The following ZNF277 variants were observed in gnomAD, a reference collection of about 807,000 sequenced individuals.
ZNF277 encodes the protein nuclear receptor-interacting factor 4.
Under a neutral mutation model 60.7 loss-of-function variants are expected in ZNF277, and 55 were observed. That is an observed-to-expected ratio of 0.91 (90% confidence interval 0.73 to 1.13). ZNF277 has a LOEUF of 1.13. Ranked by LOEUF, ZNF277 falls within the 50% of genes most tolerant of loss-of-function variation. ZNF277 has a pLI of 0.00. For synonymous variants in ZNF277, 178 were observed against 179.3 expected (o/e 0.99, Z 0.06); for missense variants, 510 against 523.0 (o/e 0.98, Z 0.24).
intron 1 of ZNF277, among the ~76,000 whole-genome samples, chr7:112,253,363 G>A (rs919212321): frequency 9.2e-5 from 14 of 152,090 alleles, no homozygotes; most frequent in Admixed American, 7.9e-4. Context: ...TATAAGTATC[G>A]TTACAAACCA....
chr7:112,289,904 T>C (rs1343027402), intron 2 of ZNF277, among the ~76,000 whole-genome samples: 1 of 152,052 alleles, frequency 6.6e-6, no homozygotes, highest in Non-Finnish European at 1.5e-5. Context: ...TTTTTTTTTT[T>C]CTTATACTTT....
intron 2 of ZNF277, among the ~76,000 whole-genome samples, chr7:112,293,202 T>C (rs1484801423): frequency 2.0e-5 from 3 of 152,170 alleles, no homozygotes; most frequent in Non-Finnish European, 4.4e-5. Flanking sequence ...CTTTGACCAC[T>C]GTCTTAATTT....
At chr7:112,269,700 T>C (rs1791626564) in intron 1 of ZNF277, among the ~76,000 whole-genome samples, 1 of 152,144 alleles carries the variant, frequency 6.6e-6, no homozygotes, top group South Asian at 2.1e-4. Context: ...CTAGGTCCTT[T>C]CTAGCTGTAA....
intron 1 of ZNF277, among the ~76,000 whole-genome samples, chr7:112,227,734 A>G (rs1381003763): frequency 6.6e-6 from 1 of 152,148 alleles, no homozygotes; most frequent in Non-Finnish European, 1.5e-5. Context: ...AGTCATATTC[A>G]TACTTCAAAT....
At chr7:112,277,219 G>A (rs1791824139) in intron 1 of ZNF277, among the ~76,000 whole-genome samples, 1 of 151,850 alleles carries the variant, frequency 6.6e-6, no homozygotes, top group African/African-American at 2.4e-5. Flanking sequence ...GAGTAGCTGG[G>A]ACTACAGGCG....
intron 1 of ZNF277, among the ~76,000 whole-genome samples, chr7:112,262,643 G>C (rs1370816149): frequency 6.6e-6 from 1 of 152,032 alleles, no homozygotes; most frequent in Non-Finnish European, 1.5e-5. Flanking sequence ...AAACAATATA[G>C]AGGGCTACAT....
intron 6 of ZNF277, among the ~76,000 whole-genome samples, chr7:112,328,593 G>A (rs1232901287): frequency 3.9e-5 from 6 of 152,086 alleles, no homozygotes; most frequent in Non-Finnish European, 8.8e-5. Context: ...AATAAGGGCC[G>A]GGTGTGGTAG....
rs78430602 is a variant in ZNF277 at position 112,332,056 on chromosome 7, C to T, written c.801+1840C>T. On this transcript the variant is annotated intron_variant, in intron 7 of 11. Coordinates refer to ENST00000361822, the MANE Select transcript of ZNF277 (RefSeq NM_021994.3). ...TCAAAACTGAAATCATCTGCCAGGGCCAGCCATCTCTGGATGAGCATGGCA... is the reference window on the plus strand; with the variant it reads ...TCAAAACTGAAATCATCTGCCAGGGTCAGCCATCTCTGGATGAGCATGGCA... Among the ~76,000 whole-genome samples, 1,431 of 152,244 alleles carry T rather than the reference C, an allele frequency of 9.4e-3. 17 individuals carry two copies. The highest frequency in any genetic ancestry group is 0.032 in the African/African-American group (1,340 of 41,532).
intron 4 of ZNF277, among the ~76,000 whole-genome samples, chr7:112,317,462 T>C (rs1792868662): frequency 6.6e-6 from 1 of 151,964 alleles, no homozygotes; most frequent in Non-Finnish European, 1.5e-5. Context: ...GAAATAGGAA[T>C]CAAGTGGGAT....
At chr7:112,337,645 A>G in intron 8 of ZNF277, 85 bp from the exon 9 acceptor site, 1 of 1,151,972 alleles carries the variant, frequency 8.7e-7, no homozygotes, top group South Asian at 1.5e-5. Context: ...TTTTTTAGTA[A>G]GGAGAAAGCA....
At chr7:112,301,704 T>C (rs773698068) in intron 4 of ZNF277, among the ~76,000 whole-genome samples, 35 of 152,192 alleles carry the variant, frequency 2.3e-4, no homozygotes, top group Non-Finnish European at 4.3e-4. Flanking sequence ...TAATGACCTC[T>C]TCTAAGTTCT....
chr7:112,340,515 A>G (rs558910507), intron 10 of ZNF277, among the ~76,000 whole-genome samples: 106 of 152,324 alleles, frequency 7.0e-4, no homozygotes, highest in African/African-American at 2.5e-3. Context: ...TTATAGACAT[A>G]TATATACATT....
chr7:112,271,804 A>G (rs913738229), intron 1 of ZNF277, among the ~76,000 whole-genome samples: 1 of 151,936 alleles, frequency 6.6e-6, no homozygotes, highest in Non-Finnish European at 1.5e-5. Context: ...ATTTTAAGAA[A>G]GTTTTTATGG....
At chr7:112,309,794 A>C (rs1160657933) in intron 4 of ZNF277, among the ~76,000 whole-genome samples, 1 of 152,034 alleles carries the variant, frequency 6.6e-6, no homozygotes, top group East Asian at 1.9e-4. Context: ...AAGAGTTCCC[A>C]CTACTCTCTC....
intron 2 of ZNF277, among the ~76,000 whole-genome samples, chr7:112,290,009 A>G (rs1350466711): frequency 6.6e-6 from 1 of 151,960 alleles, no homozygotes; most frequent in Non-Finnish European, 1.5e-5. Context: ...ATGTTTTTAA[A>G]TTTTTATGGT....
chr7:112,222,939 C>A (rs768061350), intron 1 of ZNF277, among the ~76,000 whole-genome samples: 1 of 152,128 alleles, frequency 6.6e-6, no homozygotes, highest in Non-Finnish European at 1.5e-5. Context: ...GAGAGACTGG[C>A]GTAGCCTCCC....
intron 1 of ZNF277, among the ~76,000 whole-genome samples, chr7:112,277,486 C>A (rs1475298965): frequency 6.6e-6 from 1 of 152,206 alleles, no homozygotes; most frequent in Non-Finnish European, 1.5e-5. Flanking sequence ...CCCAGTCTCT[C>A]AATCAAGTGC....
intron 9 of ZNF277, among the ~76,000 whole-genome samples, chr7:112,339,245 C>T (rs1221867840): frequency 6.6e-6 from 1 of 152,192 alleles, no homozygotes. Context: ...TAGACTTCTA[C>T]ATTTTTAGAA....
intron 1 of ZNF277, among the ~76,000 whole-genome samples, chr7:112,241,646 T>G (rs1224272197): frequency 6.6e-6 from 1 of 152,128 alleles, no homozygotes; most frequent in Non-Finnish European, 1.5e-5. Flanking sequence ...GTGTGATACA[T>G]ATACACAATG....
Sources: gnomAD v4.1 joint callset for allele counts (sites outside exome capture counted in the v4.1 genomes callset) on GRCh38, gnomAD v4.1.1 for gene constraint, MANE v1.5 for transcripts, NCBI Gene and HGNC (gene_info 2026-07-23, HGNC 2026-07-21) for gene names.